Variants in PPP2R5C observed in about 807,000 individuals in gnomAD.
PPP2R5C encodes protein phosphatase 2 regulatory subunit B'gamma.
PPP2R5C carries 7 observed loss-of-function variants against 68.9 expected under a neutral mutation model. The ratio of observed to expected loss-of-function variants is 0.10; its 90% CI spans 0.06 to 0.19. The LOEUF (loss-of-function observed/expected upper bound fraction) is 0.19, where lower values mean the gene tolerates loss of function less well. Among genes scored for constraint, PPP2R5C ranks in the 10% least tolerant of loss-of-function variants. PPP2R5C has a pLI of 1.00. For synonymous variants in PPP2R5C, 210 were observed against 222.2 expected, an observed-to-expected ratio of 0.95 and a Z score of 0.49; for missense variants, 348 against 641.3, an observed-to-expected ratio of 0.54 and a Z score of 4.94.
intron 6 of PPP2R5C, among the ~76,000 whole-genome samples, chr14:101,892,708 A>G (rs1163003002): frequency 6.6e-6 from 1 of 152,092 alleles, no homozygotes; most frequent in African/African-American, 2.4e-5. Context: ...GCACTATATG[A>G]AGTGTTCCAC....
intron 1 of PPP2R5C, chr14:101,833,500 A>G (rs2140353802): frequency 6.6e-6 from 1 of 152,298 alleles, no homozygotes; most frequent in Non-Finnish European, 1.5e-5. Context: ...TTCTTCAGAA[A>G]CCACCACCTT....
At chr14:101,784,518 G>A (rs967697378) in intron 2 of PPP2R5C, among the ~76,000 whole-genome samples, 2 of 147,690 alleles carry the variant, frequency 1.4e-5, no homozygotes, top group African/African-American at 2.5e-5. Flanking sequence ...AGTGGGGGGG[G>A]GGAACTGCCA....
chr14:101,920,179 G>C (rs181896184), intron 13 of PPP2R5C, among the ~76,000 whole-genome samples: 51 of 152,290 alleles, frequency 3.3e-4, no homozygotes, highest in African/African-American at 1.1e-3. Context: ...GATCAAGAAT[G>C]CAAACCAAAA....
At chr14:101,889,323 ACCAATC>A (rs2044708038) in intron 5 of PPP2R5C, among the ~76,000 whole-genome samples, 1 of 152,136 alleles carries the variant, frequency 6.6e-6, no homozygotes, top group Admixed American at 6.5e-5. Context: ...ACTGCTCTAG[ACCAATC>A]CCAGGTGCAC....
In PPP2R5C at chr14:101,913,218, A is replaced by G. The variant is rs2046488356; in HGVS notation, c.1326+745A>G. Among the ~76,000 whole-genome samples, 1 of 152,194 alleles carries G rather than the reference A, an allele frequency of 6.6e-6. No homozygotes were observed. Among genetic ancestry groups the G allele is most frequent in the South Asian group, 2.1e-4 (1 of 4,832 alleles). On this transcript the variant is annotated intron_variant, in intron 12 of 13. Transcript: ENST00000334743. This position sits in a 1 kb window ranked among gnomAD's most constrained non-coding sequence, Gnocchi z 4.1. ...TTAAAAAGAAAATCTTTTTCAGAAA[A>G]TCTTTTGTCTGAATCTTTGCCACTC...
At chr14:101,862,343 A>AG (rs1035203003) in intron 2 of PPP2R5C, among the ~76,000 whole-genome samples, 1 of 152,190 alleles carries the variant, frequency 6.6e-6, no homozygotes, top group African/African-American at 2.4e-5. Context: ...TGATGAAGTG[A>AG]GTCACCACTT....
At chr14:101,914,213 G>A (rs1178332546) in intron 12 of PPP2R5C, 19 of 455,948 alleles carry the variant, frequency 4.2e-5, no homozygotes, top group Non-Finnish European at 4.4e-6. Context: ...GACGAACTGT[G>A]ATGCTGGGAG....
At chr14:101,878,110 C>G (rs1437660157) in intron 2 of PPP2R5C, among the ~76,000 whole-genome samples, 1 of 152,236 alleles carries the variant, frequency 6.6e-6, no homozygotes, top group Non-Finnish European at 1.5e-5. Flanking sequence ...TTGCTCCGAG[C>G]AAGTGCAGAG....
intron 1 of PPP2R5C, chr14:101,820,316 T>C (rs2140262043): frequency 6.6e-6 from 1 of 152,316 alleles, no homozygotes; most frequent in African/African-American, 2.4e-5. Flanking sequence ...TGCCACAGAC[T>C]CTTCTGCTGA....
At chr14:101,799,377 C>T (rs186434586) in intron 3 of PPP2R5C, among the ~76,000 whole-genome samples, 40 of 152,260 alleles carry the variant, frequency 2.6e-4, no homozygotes, top group Non-Finnish European at 4.4e-5. Context: ...GCATGGGGAG[C>T]GCACTCCATA....
chr14:101,836,269 T>C (rs1181955899), intron 1 of PPP2R5C: 2 of 702,650 alleles, frequency 2.8e-6, no homozygotes, highest in African/African-American at 1.7e-5. Flanking sequence ...AGCAAACCCA[T>C]GGAGAACCCC....
At chr14:101,872,019 G>A (rs1433340330) in intron 2 of PPP2R5C, among the ~76,000 whole-genome samples, 2 of 151,238 alleles carry the variant, frequency 1.3e-5, no homozygotes, top group Admixed American at 1.3e-4. Flanking sequence ...TTAAGTTTTC[G>A]GGTATTAAAA....
chr14:101,865,027 G>T (rs536145417), intron 2 of PPP2R5C, among the ~76,000 whole-genome samples: 12 of 152,188 alleles, frequency 7.9e-5, no homozygotes, highest in Admixed American at 5.2e-4. Flanking sequence ...GTAGAAACAC[G>T]ATTCGGGGTG....
chr14:101,851,619 C>G (rs1285155055), intron 1 of PPP2R5C, among the ~76,000 whole-genome samples: 1 of 152,064 alleles, frequency 6.6e-6, no homozygotes. Flanking sequence ...ACTGTCTAGG[C>G]TGGTAGTTTT....
rs942511410 is a variant in PPP2R5C, at chr14:101,870,928, G to A, written c.295-11233G>A. Among the ~76,000 whole-genome samples, 19 of 152,056 alleles carry A rather than the reference G, an allele frequency of 1.2e-4. 1 individual carries two copies. Among genetic ancestry groups the A allele is most frequent in the African/African-American group, 4.6e-4 (19 of 41,408 alleles). On this transcript the variant is annotated intron_variant, in intron 2 of 13. Transcript: ENST00000334743. Reference sequence around the variant, plus strand: ...ATTTGTAATTGTTTATTGTCTTGTTGTAATTATATCAGGTTTTGCTTCATG... The same window carrying A: ...ATTTGTAATTGTTTATTGTCTTGTTATAATTATATCAGGTTTTGCTTCATG...
In PPP2R5C at chr14:101,900,867, T is replaced by TAC. The variant is rs2045644402; in HGVS notation, c.853-850_853-849dup. Among the ~76,000 whole-genome samples, 4 of 152,374 alleles carry TAC rather than the reference T, an allele frequency of 2.6e-5. No individual in the cohort carries two copies. The South Asian group carries it at 8.3e-4, about 32-fold the overall frequency. ...CCCTCTGGGTGGTGACAATCCTGGC[T>TAC]ACAGCTGCCACTGCAGCCTGCTCAC... On this transcript the variant is annotated intron_variant, in intron 8 of 13. Coordinates refer to ENST00000334743, the Ensembl canonical transcript of PPP2R5C.
chr14:101,845,846 T>C (rs1214825819), intron 1 of PPP2R5C, among the ~76,000 whole-genome samples: 1 of 152,180 alleles, frequency 6.6e-6, no homozygotes, highest in African/African-American at 2.4e-5. Flanking sequence ...AACCACAGCA[T>C]TGGAACGTTA....
chr14:101,910,649 G>A lies in PPP2R5C; in HGVS notation c.1253+959G>A, dbSNP rs144356913. ...AGATTGAGACCATGCTGGCTAACAC[G>A]GTGAAACCCCATCTCTACTAAAAAA... is the stretch of plus-strand genomic sequence containing the variant. On this transcript the variant is annotated intron_variant, in intron 11 of 13. Transcript: ENST00000334743. Among the ~76,000 whole-genome samples the A allele has an allele frequency of 2.5e-3, 372 of 150,782 alleles. 2 individuals are homozygous for A. Among genetic ancestry groups the A allele is most frequent in the African/African-American group, 7.9e-3 (322 of 40,976 alleles).
At chr14:101,868,312 C>G (rs1195691839) in intron 2 of PPP2R5C, among the ~76,000 whole-genome samples, 2 of 151,918 alleles carry the variant, frequency 1.3e-5, no homozygotes, top group African/African-American at 4.8e-5. Context: ...TTTGTTCTTA[C>G]GATTTTGAGA....
Sources: gnomAD v4.1 joint callset for allele counts (sites outside exome capture counted in the v4.1 genomes callset) on GRCh38, gnomAD v4.1.1 for gene constraint, Gnocchi (gnomAD v3.1) non-coding constraint, MANE v1.5 for transcripts, NCBI Gene and HGNC (gene_info 2026-07-23, HGNC 2026-07-21) for gene names.